Variants in ERBB4 observed in about 807,000 individuals in gnomAD.
ERBB4 encodes erb-b2 receptor tyrosine kinase 4, also known as receptor tyrosine-protein kinase erbB-4.
ERBB4 carries 42 observed loss-of-function variants against 158.0 expected under a neutral mutation model. The observed-to-expected ratio is 0.27, with a 90% CI of 0.21 to 0.34. The LOEUF (loss-of-function observed/expected upper bound fraction) is 0.34. Among genes scored for constraint, ERBB4 ranks in the 10% least tolerant of loss-of-function variants. The pLI, the probability that ERBB4 is intolerant of heterozygous loss-of-function variation, is 1.00. For missense variants in ERBB4, 1,333 were observed against 1,624.1 expected (o/e 0.82, Z 3.08); for synonymous variants, 583 against 558.7 (o/e 1.04, Z -0.61).
At chr2:212,002,272 C>T (rs2076123519) in intron 2 of ERBB4, among the ~76,000 whole-genome samples, 1 of 152,074 alleles carries the variant, frequency 6.6e-6, no homozygotes, top group Non-Finnish European at 1.5e-5. Context: ...GAAGCCAGAA[C>T]CTAAAACACA....
intron 1 of ERBB4, among the ~76,000 whole-genome samples, chr2:212,380,177 C>G (rs2090457594): frequency 6.6e-6 from 1 of 151,238 alleles, no homozygotes; most frequent in Admixed American, 6.6e-5. Context: ...GGTTCCACAT[C>G]TGTAGACTCA....
chr2:211,727,397 G>T (rs1408650999), intron 5 of ERBB4, among the ~76,000 whole-genome samples: 1 of 151,870 alleles, frequency 6.6e-6, no homozygotes, highest in Non-Finnish European at 1.5e-5. Flanking sequence ...GAAGTTTATT[G>T]TCTTACTTAA....
At chr2:212,333,528 A>C (rs1194310409) in intron 1 of ERBB4, among the ~76,000 whole-genome samples, 1 of 75,592 alleles carries the variant, frequency 1.3e-5, no homozygotes, top group Non-Finnish European at 3.1e-5. Flanking sequence ...AAAAAATACG[A>C]AAAAAAAAAA....
At chr2:211,525,361 A>T (rs2066318123) in intron 20 of ERBB4, among the ~76,000 whole-genome samples, 2 of 152,126 alleles carry the variant, frequency 1.3e-5, no homozygotes, top group Non-Finnish European at 2.9e-5. Flanking sequence ...CAGCCACAGT[A>T]GGATAGGGCA....
intron 1 of ERBB4, among the ~76,000 whole-genome samples, chr2:212,320,954 T>C (rs2087543246): frequency 6.7e-6 from 1 of 149,494 alleles, no homozygotes; most frequent in African/African-American, 2.5e-5. Flanking sequence ...CTGTTTCTTT[T>C]TGTTGTTTTT....
At chr2:211,618,732 C>A (rs542055466) in intron 19 of ERBB4, among the ~76,000 whole-genome samples, 1 of 152,142 alleles carries the variant, frequency 6.6e-6, no homozygotes, top group African/African-American at 2.4e-5. Context: ...CTTATTACCA[C>A]CACCACATAG....
intron 20 of ERBB4, among the ~76,000 whole-genome samples, chr2:211,446,875 C>T (rs1333896850): frequency 1.3e-5 from 2 of 152,032 alleles, no homozygotes; most frequent in African/African-American, 4.8e-5. Context: ...TATAAATGAT[C>T]CATGTCTCCT....
chr2:211,944,162 C>T (rs1419023230), intron 3 of ERBB4, among the ~76,000 whole-genome samples: 10 of 70,298 alleles, frequency 1.4e-4, no homozygotes, highest in African/African-American at 2.9e-4. Context: ...TATATATATA[C>T]ACTATATATA....
intron 3 of ERBB4, among the ~76,000 whole-genome samples, chr2:211,844,899 C>A (rs2077555217): frequency 2.6e-5 from 4 of 152,090 alleles, no homozygotes; most frequent in Admixed American, 2.6e-4. Context: ...CTAATTTATT[C>A]TTAGTGTCCT....
chr2:211,968,800 G>A (rs1444830453), intron 2 of ERBB4, among the ~76,000 whole-genome samples: 1 of 151,822 alleles, frequency 6.6e-6, no homozygotes, highest in South Asian at 2.1e-4. Context: ...TTACATTTAT[G>A]TACCAGTGCA....
chr2:212,192,042 A>G (rs1263817214), intron 1 of ERBB4, among the ~76,000 whole-genome samples: 2 of 48,802 alleles, frequency 4.1e-5, no homozygotes, highest in Admixed American at 2.3e-4. Context: ...TATATGTTAT[A>G]TATATGTTAT....
chr2:212,372,827 T>C (rs2090135380), intron 1 of ERBB4, among the ~76,000 whole-genome samples: 1 of 152,202 alleles, frequency 6.6e-6, no homozygotes, highest in East Asian at 1.9e-4. Flanking sequence ...TAGTTCTTTA[T>C]ACACTACATT....
rs181736155 is a variant in ERBB4, at chr2:211,775,559, A to G, written c.556+12466T>C. 2.8e-3 allele frequency among the ~76,000 whole-genome samples: 421 copies of G among 152,336 alleles called. 5 individuals carry two copies. Among genetic ancestry groups the G allele is most frequent in the African/African-American group, 9.9e-3 (412 of 41,576 alleles). Reference sequence around the variant, plus strand: ...GCCATGATGAAATCTTCTGGCCATAAGCCAGATGCTTTGGGTTAAGCTACA... The same window carrying G: ...GCCATGATGAAATCTTCTGGCCATAGGCCAGATGCTTTGGGTTAAGCTACA... On this transcript the variant is annotated intron_variant, in intron 4 of 27. Transcript: ENST00000342788.
intron 2 of ERBB4, among the ~76,000 whole-genome samples, chr2:212,046,224 A>C (rs1202612739): frequency 6.6e-6 from 1 of 152,224 alleles, no homozygotes; most frequent in African/African-American, 2.4e-5. Flanking sequence ...AAAAAGCAAA[A>C]GGAAATAGAA....
At chr2:211,976,412 T>A (rs923731115) in intron 2 of ERBB4, among the ~76,000 whole-genome samples, 2 of 152,162 alleles carry the variant, frequency 1.3e-5, no homozygotes, top group African/African-American at 4.8e-5. Context: ...TTTTACATTA[T>A]CTTATCTTAG....
intron 1 of ERBB4, among the ~76,000 whole-genome samples, chr2:212,301,090 T>C (rs2106207818): frequency 6.6e-6 from 1 of 150,508 alleles, no homozygotes; most frequent in South Asian, 2.1e-4. Flanking sequence ...CTTGGCTGGA[T>C]CATTATTGTT....
intron 2 of ERBB4, among the ~76,000 whole-genome samples, chr2:212,054,378 C>T (rs980155083): frequency 6.6e-6 from 1 of 151,824 alleles, no homozygotes; most frequent in African/African-American, 2.4e-5. Context: ...AGGTCTGGGA[C>T]CATTTTAAGT....
intron 3 of ERBB4, among the ~76,000 whole-genome samples, chr2:211,845,072 CA>C (rs933816556): frequency 6.6e-6 from 1 of 152,068 alleles, no homozygotes; most frequent in Non-Finnish European, 1.5e-5. Context: ...GTATTGTCCT[CA>C]AAGAGAGTGG....
At chr2:212,123,457 G>A (rs564151574) in intron 2 of ERBB4, among the ~76,000 whole-genome samples, 3 of 152,120 alleles carry the variant, frequency 2.0e-5, no homozygotes, top group East Asian at 1.9e-4. Context: ...TTCTTTTAAG[G>A]CCCTCTAATT....
Sources: gnomAD v4.1 joint callset for allele counts (sites outside exome capture counted in the v4.1 genomes callset) on GRCh38, gnomAD v4.1.1 for gene constraint, MANE v1.5 for transcripts, NCBI Gene and HGNC (gene_info 2026-07-23, HGNC 2026-07-21) for gene names.